Variants in SCHIP1 observed in about 807,000 individuals in gnomAD.
SCHIP1 encodes schwannomin interacting protein 1.
SCHIP1 carries 8 observed loss-of-function variants against 29.7 expected under a neutral mutation model. The observed-to-expected ratio is 0.27, with a 90% confidence interval of 0.16 to 0.49. The LOEUF is 0.49. SCHIP1 is among the 20% of genes least tolerant of loss of function. The pLI is 0.99. For synonymous variants in SCHIP1, 76 were observed against 94.9 expected (o/e 0.80, Z 1.16); for missense variants, 193 against 294.6 (o/e 0.66, Z 2.52).
chr3:159,405,911 A>G, the SCHIP1 span, among the ~76,000 whole-genome samples: 9 of 151,406 alleles, frequency 5.9e-5, no homozygotes, highest in African/African-American at 2.2e-4. Flanking sequence ...GAAAAGGAAA[A>G]TGCACAGAGA....
chr3:159,519,383 C>T, the SCHIP1 span, among the ~76,000 whole-genome samples: 50 of 152,006 alleles, frequency 3.3e-4, no homozygotes, highest in African/African-American at 1.2e-3. Flanking sequence ...AAGATTACTT[C>T]GAGGATCTAG....
the SCHIP1 span, among the ~76,000 whole-genome samples, chr3:159,418,349 C>A: frequency 6.6e-6 from 1 of 152,102 alleles, no homozygotes; most frequent in African/African-American, 2.4e-5. Context: ...GCACACTGAT[C>A]CAAAGGATAC....
chr3:159,301,111 A>T, the SCHIP1 span, among the ~76,000 whole-genome samples: 1 of 152,176 alleles, frequency 6.6e-6, no homozygotes, highest in East Asian at 1.9e-4. Context: ...ATAGCACTTG[A>T]TATGTGTCAG....
the SCHIP1 span, among the ~76,000 whole-genome samples, chr3:159,804,833 G>A: frequency 6.6e-6 from 1 of 152,178 alleles, no homozygotes; most frequent in Non-Finnish European, 1.5e-5. Flanking sequence ...AAACTTCTCT[G>A]CTCTGTTTTT....
chr3:159,668,376 CAAA>C, the SCHIP1 span, among the ~76,000 whole-genome samples: 4 of 46,416 alleles, frequency 8.6e-5, no homozygotes, highest in African/African-American at 2.9e-4. Flanking sequence ...GACTCCGTCT[CAAA>C]AAAAAAAAAA....
intron 2 of SCHIP1, among the ~76,000 whole-genome samples, chr3:159,883,695 A>G (rs755630625): frequency 6.6e-6 from 1 of 152,226 alleles, no homozygotes; most frequent in Non-Finnish European, 1.5e-5. Context: ...TCCTGAGAGT[A>G]ACATTCTTGG....
At chr3:159,380,299 A>T in the SCHIP1 span, among the ~76,000 whole-genome samples, 1,262 of 152,244 alleles carry the variant, frequency 8.3e-3, 13 homozygotes, top group Non-Finnish European at 0.013. Context: ...TTGCAGTATC[A>T]CCACCACATC....
the SCHIP1 span, among the ~76,000 whole-genome samples, chr3:159,741,202 G>A: frequency 6.6e-6 from 1 of 152,150 alleles, no homozygotes. Flanking sequence ...TATAAAAATA[G>A]AGAAGAATGA....
chr3:159,656,811 G>A, the SCHIP1 span, among the ~76,000 whole-genome samples: 1 of 152,136 alleles, frequency 6.6e-6, no homozygotes, highest in Non-Finnish European at 1.5e-5. Context: ...GAAAAAACAG[G>A]CTCAGAGAAG....
chr3:159,618,510 AC>A, the SCHIP1 span, among the ~76,000 whole-genome samples: 2 of 152,212 alleles, frequency 1.3e-5, no homozygotes, highest in African/African-American at 4.8e-5. Flanking sequence ...CTCCTTGGAA[AC>A]CCTGAAAATC....
chr3:159,483,340 G>A, the SCHIP1 span, among the ~76,000 whole-genome samples: 2 of 152,170 alleles, frequency 1.3e-5, no homozygotes, highest in African/African-American at 2.4e-5. Context: ...TGGGAGAAAC[G>A]AGAACAACCT....
chr3:159,669,139 T>C, the SCHIP1 span, among the ~76,000 whole-genome samples: 1 of 152,166 alleles, frequency 6.6e-6, no homozygotes, highest in South Asian at 2.1e-4. Flanking sequence ...ATTCCATTTC[T>C]TTTTCTGGAA....
At chr3:159,539,994 AG>A in the SCHIP1 span, among the ~76,000 whole-genome samples, 1 of 151,976 alleles carries the variant, frequency 6.6e-6, no homozygotes, top group Non-Finnish European at 1.5e-5. Context: ...CCCTCCCTGA[AG>A]TTCAAAAGTC....
At chr3:159,653,568 C>T in the SCHIP1 span, among the ~76,000 whole-genome samples, 1 of 139,462 alleles carries the variant, frequency 7.2e-6, no homozygotes, top group Non-Finnish European at 1.5e-5. Context: ...AGGGGAACAT[C>T]ACATACAGGG....
the SCHIP1 span, among the ~76,000 whole-genome samples, chr3:159,513,421 A>G: frequency 0.019 from 2,920 of 152,356 alleles, 38 homozygotes; most frequent in South Asian, 0.045. Flanking sequence ...TTACTTAACC[A>G]TAATTATTCA....
the SCHIP1 span, among the ~76,000 whole-genome samples, chr3:159,457,108 C>A: frequency 1.3e-5 from 2 of 151,980 alleles, no homozygotes; most frequent in African/African-American, 4.8e-5. Flanking sequence ...TAAATATATT[C>A]ATTTATACGT....
At chr3:159,455,704 C>T in the SCHIP1 span, among the ~76,000 whole-genome samples, 1 of 152,176 alleles carries the variant, frequency 6.6e-6, no homozygotes, top group Non-Finnish European at 1.5e-5. Context: ...ATTTCACATT[C>T]AGAGTCTATT....
chr3:159,565,805 T>C, the SCHIP1 span, among the ~76,000 whole-genome samples: 1 of 152,210 alleles, frequency 6.6e-6, no homozygotes, highest in Admixed American at 6.5e-5. Flanking sequence ...AAAATGATAT[T>C]ATATTATGTG....
chr3:159,715,813 T>G, the SCHIP1 span, among the ~76,000 whole-genome samples: 2 of 152,172 alleles, frequency 1.3e-5, no homozygotes, highest in Non-Finnish European at 2.9e-5. Flanking sequence ...TGGAACCAAG[T>G]TGGAAAACAC....
Sources: allele counts gnomAD v4.1 joint callset (sites outside exome capture counted in the v4.1 genomes callset), GRCh38; gene constraint gnomAD v4.1.1; transcripts MANE v1.5; gene names NCBI Gene and HGNC (gene_info 2026-07-23, HGNC 2026-07-21).